MBD2: variants seen among roughly 807,000 people sequenced by gnomAD.
MBD2 encodes methyl-CpG-binding domain protein 2.
In MBD2, 9 loss-of-function variants were observed where a neutral mutation model predicts 39.3. That is an observed-to-expected ratio of 0.23 (90% CI 0.14 to 0.40). The LOEUF (loss-of-function observed/expected upper bound fraction) is 0.40. MBD2 is among the 10% of genes least tolerant of loss of function. MBD2 has a pLI of 1.00. For missense variants in MBD2, 458 were observed against 532.6 expected, an observed-to-expected ratio of 0.86 and a Z score of 1.38; for synonymous variants, 233 against 211.1, an observed-to-expected ratio of 1.10 and a Z score of -0.90.
chr18:54,199,889 CACT>C (rs1181529855), intron 2 of MBD2, among the ~76,000 whole-genome samples: 1 of 152,136 alleles, frequency 6.6e-6, no homozygotes, highest in African/African-American at 2.4e-5. Flanking sequence ...TTCTTATCAT[CACT>C]ACTAAGTTTC....
At chr18:54,173,731 T>C (rs1198629159) in intron 3 of MBD2, among the ~76,000 whole-genome samples, 1 of 152,170 alleles carries the variant, frequency 6.6e-6, no homozygotes. Context: ...AGGCTCTCCA[T>C]GGTGGAGCAG....
intron 3 of MBD2, among the ~76,000 whole-genome samples, chr18:54,187,206 T>G (rs1230903468): frequency 1.3e-5 from 2 of 152,186 alleles, no homozygotes; most frequent in Non-Finnish European, 2.9e-5. Flanking sequence ...TGAGAATGAT[T>G]TGGCAAAGAA....
At chr18:54,202,259 GC>G (rs1193646459) in intron 2 of MBD2, among the ~76,000 whole-genome samples, 4 of 151,508 alleles carry the variant, frequency 2.6e-5, no homozygotes, top group Admixed American at 1.3e-4. Context: ...AGAGACAATC[GC>G]TTGAACTTGG....
At position 54,188,887 on chromosome 18, in the gene MBD2, T is replaced by C; in HGVS notation, c.827A>G (p.Glu276Gly). 1 of 1,607,798 alleles carries C rather than the reference T, an allele frequency of 6.2e-7. No individual in the cohort carries two copies. Among genetic ancestry groups the C allele is most frequent in the Non-Finnish European group, 8.5e-7 (1 of 1,176,046 alleles). ...KVKSDPQRMN[E>G]QPRQLFWEKR... ...TTAGATCCTTACCTGACGTGGCTGT[T>C]CATTCATTCGTTGTGGGTCTGATTT... The change falls in exon 3 of 7, where the codon GAA (glutamate) becomes GGA (glycine). Residue 276 changes from glutamate to glycine, a missense_variant. Physicochemically the swap from Glu to Gly is moderately conservative, Grantham distance 98. Transcript: ENST00000256429.
intron 3 of MBD2, among the ~76,000 whole-genome samples, chr18:54,180,897 CTT>C (rs1211071727): frequency 7.6e-5 from 8 of 105,370 alleles, no homozygotes; most frequent in Non-Finnish European, 1.4e-4. Flanking sequence ...TTAATTTTTT[CTT>C]TTTCTTTTTT....
At chr18:54,217,508 C>A (rs771454183) in intron 1 of MBD2, among the ~76,000 whole-genome samples, 3 of 152,100 alleles carry the variant, frequency 2.0e-5, no homozygotes, top group Non-Finnish European at 4.4e-5. Context: ...AGATTCCCAG[C>A]CAAACACTAA....
chr18:54,174,265 G>A (rs899874940), intron 3 of MBD2, among the ~76,000 whole-genome samples: 6 of 152,180 alleles, frequency 3.9e-5, no homozygotes, highest in African/African-American at 9.7e-5. Flanking sequence ...AGGAAATGGA[G>A]GAAGCAAAAT....
intron 1 of MBD2, among the ~76,000 whole-genome samples, chr18:54,211,219 C>A (rs2086503468): frequency 6.6e-6 from 1 of 152,194 alleles, no homozygotes; most frequent in South Asian, 2.1e-4. Context: ...TTACTTCTCA[C>A]TTACAACAGT....
chr18:54,170,683 CG>C (rs1278868405), intron 3 of MBD2, among the ~76,000 whole-genome samples: 1 of 152,170 alleles, frequency 6.6e-6, no homozygotes, highest in Non-Finnish European at 1.5e-5. Context: ...GTAGGATAAT[CG>C]GCAATCGCTG....
In MBD2 at chr18:54,222,387, T is replaced by A. The variant is rs778809347; in HGVS notation, c.542+1631A>T. On this transcript the variant is annotated intron_variant, in intron 1 of 6. Transcript: ENST00000256429. ...GCTACCAAATCCTGGCCCCACAGCCTGAGGGAGGACCTGTGAAAGTGCTCA... is the reference window on the plus strand; with the variant it reads ...GCTACCAAATCCTGGCCCCACAGCCAGAGGGAGGACCTGTGAAAGTGCTCA... The A allele has an allele frequency of 5.8e-6, 3 of 517,450 alleles. 1 individual carries two copies. The highest frequency in any genetic ancestry group is 4.2e-5 in the South Asian group (3 of 71,278). The allele number at this position is 517,450 out of a possible 1,614,324, so 32.1% of individuals were successfully genotyped here. A position where few individuals can be genotyped will look rare whatever the true frequency, so the allele number is the denominator to read the frequency against.
At chr18:54,194,015 T>A (rs942998893) in intron 2 of MBD2, among the ~76,000 whole-genome samples, 1 of 152,068 alleles carries the variant, frequency 6.6e-6, no homozygotes, top group Non-Finnish European at 1.5e-5. Context: ...TCCAATGATC[T>A]CACATGATTA....
chr18:54,159,650 C>A (rs766436391), intron 6 of MBD2, 115 bp downstream of exon 6: 18 of 1,128,666 alleles, frequency 1.6e-5, no homozygotes, highest in Non-Finnish European at 2.3e-5. Flanking sequence ...AACTACTGAG[C>A]TCAACTGATC....
At chr18:54,172,496 T>G (rs1210332667) in intron 3 of MBD2, among the ~76,000 whole-genome samples, 1 of 152,210 alleles carries the variant, frequency 6.6e-6, no homozygotes, top group Non-Finnish European at 1.5e-5. Context: ...AATTTTTTCT[T>G]AAGAATACTG....
Position 54,224,278 on chromosome 18 carries a change from GCGGCCCCGGCCCCGGCCCCGTCCC to G in MBD2, c.258_281del (p.Gly89_Arg96del). On this transcript the variant is annotated inframe_deletion, in exon 1 of 7. Transcript: ENST00000256429. ...CGCTGCCGCCACTCGGGGGACGGCC[GCGGCCCCGGCCCCGGCCCCGTCCC>G]CGTCCCCGGCCACGGCCCCGGCCCC... 2 of 942,260 alleles carry G rather than the reference GCGGCCCCGGCCCCGGCCCCGTCCC, an allele frequency of 2.1e-6. No homozygotes were observed. Among genetic ancestry groups the G allele is most frequent in the Non-Finnish European group, 2.5e-6 (2 of 794,130 alleles). The allele number at this position is 942,260 out of a possible 1,614,324, so 58.4% of individuals were successfully genotyped here. A position where few individuals can be genotyped will look rare whatever the true frequency, so the allele number is the denominator to read the frequency against.
At chr18:54,205,526 G>A (rs912144058) in intron 1 of MBD2, among the ~76,000 whole-genome samples, 21 of 150,508 alleles carry the variant, frequency 1.4e-4, no homozygotes, top group African/African-American at 5.1e-4. Flanking sequence ...AGGAGGTGGA[G>A]GTTGCAGTGA....
At chr18:54,190,393 C>G (rs2086312446) in intron 2 of MBD2, among the ~76,000 whole-genome samples, 1 of 152,128 alleles carries the variant, frequency 6.6e-6, no homozygotes, top group Non-Finnish European at 1.5e-5. Context: ...GTGGAGCATC[C>G]ACATGGTCCC....
intron 1 of MBD2, among the ~76,000 whole-genome samples, chr18:54,209,295 T>G (rs1416713719): frequency 1.5e-5 from 1 of 67,518 alleles, no homozygotes; most frequent in African/African-American, 5.8e-5. Context: ...AGACTCCATC[T>G]CCAAAAAAAA....
chr18:54,223,783 C>G (rs1453622587), intron 1 of MBD2, among the ~76,000 whole-genome samples: 1 of 152,188 alleles, frequency 6.6e-6, no homozygotes, highest in South Asian at 2.1e-4. Flanking sequence ...CGCAAACCAT[C>G]TTCCCCGACG....
intron 3 of MBD2, among the ~76,000 whole-genome samples, chr18:54,168,652 T>C (rs1277769948): frequency 7.2e-6 from 1 of 139,688 alleles, no homozygotes; most frequent in African/African-American, 3.0e-5. Context: ...TGTGTGTGTG[T>C]GTGTGTGTGT....
Sources: gnomAD v4.1 joint callset for allele counts (sites outside exome capture counted in the v4.1 genomes callset) on GRCh38, gnomAD v4.1.1 for gene constraint, MANE v1.5 for transcripts, NCBI Gene and HGNC (gene_info 2026-07-23, HGNC 2026-07-21) for gene names.